Variants in MAST2 observed in about 807,000 individuals in gnomAD.
MAST2 encodes microtubule-associated serine/threonine-protein kinase 2.
A neutral mutation model predicts 147.4 loss-of-function variants in MAST2; 70 were observed. The ratio of observed to expected loss-of-function variants is 0.47; its 90% CI spans 0.39 to 0.58. The LOEUF (loss-of-function observed/expected upper bound fraction) is 0.58. Among genes scored for constraint, MAST2 ranks in the 20% least tolerant of loss-of-function variants. MAST2 has a pLI of 0.00. For synonymous variants in MAST2, 869 were observed against 896.8 expected (o/e 0.97, Z 0.55); for missense variants, 2,080 against 2,302.3 (o/e 0.90, Z 1.98).
At chr1:45,920,389 T>C in intron 4 of MAST2, among the ~76,000 whole-genome samples, 1 of 152,184 alleles carries the variant, frequency 6.6e-6, no homozygotes, top group Non-Finnish European at 1.5e-5. Flanking sequence ...GGACTCTGTT[T>C]GAGTACCCCC....
intron 26 of MAST2, 84 bp from the exon 27 acceptor site, chr1:46,033,718 C>A: frequency 6.5e-7 from 1 of 1,546,834 alleles, no homozygotes; most frequent in South Asian, 1.2e-5. Context: ...TGTGGTATAG[C>A]CATGCCAGAA....
Position 45,858,601 on chromosome 1 carries a change from G to A in MAST2, c.469-23763G>A, listed in dbSNP as rs1237323947. Among the ~76,000 whole-genome samples the A allele has an allele frequency of 6.2e-4, 90 of 145,734 alleles. 2 individuals are homozygous for A. Among genetic ancestry groups the A allele is most frequent in the African/African-American group, 2.1e-3 (83 of 39,302 alleles). On this transcript the variant is annotated intron_variant, in intron 3 of 28. Coordinates refer to ENST00000361297, the MANE Select transcript of MAST2 (RefSeq NM_015112.3). ...TGATGGTAGTTTCTTTTGCTGTGCA[G>A]AAGCTCTTTAGTTTAATAAGATCCC...
intron 4 of MAST2, among the ~76,000 whole-genome samples, chr1:45,928,567 C>CTTTTTTTTT (rs11374683): frequency 9.0e-5 from 13 of 143,698 alleles, no homozygotes; most frequent in South Asian, 2.2e-4. Flanking sequence ...ATCACTCTTT[C>CTTTTTTTTT]TTTTTTTTTT....
At chr1:45,973,386 C>G (rs75640476) in intron 5 of MAST2, among the ~76,000 whole-genome samples, 4,574 of 152,228 alleles carry the variant, frequency 0.03, 230 homozygotes, top group African/African-American at 0.1. Flanking sequence ...CTTTCTATAG[C>G]TTGTGTCATC....
At chr1:45,943,271 A>G (rs1657575482) in intron 4 of MAST2, among the ~76,000 whole-genome samples, 1 of 152,218 alleles carries the variant, frequency 6.6e-6, no homozygotes, top group African/African-American at 2.4e-5. Flanking sequence ...TGTCATGCTC[A>G]TCACTAATTT....
chr1:45,843,809 T>C (rs770230433), intron 3 of MAST2, among the ~76,000 whole-genome samples: 7 of 152,168 alleles, frequency 4.6e-5, no homozygotes, highest in Non-Finnish European at 1.0e-4. Context: ...GAAGGGTATA[T>C]GAGTAATGTT....
At chr1:45,928,567 C>CTTTTTT (rs11374683) in intron 4 of MAST2, among the ~76,000 whole-genome samples, 5 of 143,730 alleles carry the variant, frequency 3.5e-5, no homozygotes, top group Admixed American at 7.0e-5. Context: ...ATCACTCTTT[C>CTTTTTT]TTTTTTTTTT....
intron 4 of MAST2, among the ~76,000 whole-genome samples, chr1:45,935,893 A>G (rs1197555863): frequency 6.6e-6 from 1 of 152,152 alleles, no homozygotes; most frequent in African/African-American, 2.4e-5. Flanking sequence ...TTTTGGTCCC[A>G]TATGATTTTT....
chr1:45,957,399 C>G (rs1162943986), intron 4 of MAST2, among the ~76,000 whole-genome samples: 2 of 152,226 alleles, frequency 1.3e-5, no homozygotes, highest in Non-Finnish European at 2.9e-5. Context: ...GTCTGACAAT[C>G]TCTGCCTTAA....
chr1:45,920,072 G>A (rs992197303), intron 4 of MAST2, among the ~76,000 whole-genome samples: 13 of 152,106 alleles, frequency 8.5e-5, no homozygotes, highest in African/African-American at 2.9e-4. Flanking sequence ...TCTTACTACT[G>A]AGGCAATACT....
chr1:45,905,607 T>C (rs1241859528), intron 4 of MAST2, among the ~76,000 whole-genome samples: 4 of 152,100 alleles, frequency 2.6e-5, no homozygotes, highest in African/African-American at 9.7e-5. Flanking sequence ...AAACCCCGTC[T>C]CTACTAAAAA....
intron 10 of MAST2, among the ~76,000 whole-genome samples, chr1:46,019,171 ACT>A (rs139931038): frequency 0.017 from 2,655 of 151,792 alleles, 26 homozygotes; most frequent in Non-Finnish European, 0.026. Flanking sequence ...TCTTTAGTGT[ACT>A]CTCTACACTG....
intron 12 of MAST2, 66 bp from the exon 13 acceptor site, chr1:46,022,844 T>C (rs1332543076): frequency 8.4e-7 from 1 of 1,188,464 alleles, no homozygotes; most frequent in African/African-American, 1.5e-5. Context: ...TGTTGTGTGA[T>C]CTGAGGATAC....
chr1:45,855,234 A>G (rs1429383127), intron 3 of MAST2, among the ~76,000 whole-genome samples: 1 of 152,128 alleles, frequency 6.6e-6, no homozygotes, highest in East Asian at 1.9e-4. Context: ...ATAAATTCTA[A>G]TGGATTGGGA....
intron 4 of MAST2, among the ~76,000 whole-genome samples, chr1:45,956,816 T>C (rs2148894290): frequency 6.6e-6 from 1 of 152,314 alleles, no homozygotes; most frequent in East Asian, 1.9e-4. Flanking sequence ...TGCCCAAACC[T>C]TGCCACCTAT....
intron 3 of MAST2, among the ~76,000 whole-genome samples, chr1:45,844,439 T>G (rs1645368976): frequency 6.6e-6 from 1 of 152,078 alleles, no homozygotes; most frequent in African/African-American, 2.4e-5. Flanking sequence ...CCTGCCACCA[T>G]GCCCAGCTAA....
At chr1:45,966,433 A>G (rs7520050) in intron 5 of MAST2, among the ~76,000 whole-genome samples, 3 of 151,274 alleles carry the variant, frequency 2.0e-5, no homozygotes, top group Non-Finnish European at 4.4e-5. Flanking sequence ...AAAAAAAAAA[A>G]AAAAAAAAAC....
intron 5 of MAST2, among the ~76,000 whole-genome samples, chr1:45,996,124 A>T (rs371559572): frequency 8.0e-5 from 12 of 149,902 alleles, no homozygotes; most frequent in Middle Eastern, 3.4e-3. Context: ...TTTCTGACAT[A>T]CGTGTGTGTT....
chr1:45,990,349 T>C (rs905837419), intron 5 of MAST2, among the ~76,000 whole-genome samples: 3 of 152,336 alleles, frequency 2.0e-5, no homozygotes, highest in African/African-American at 7.2e-5. Flanking sequence ...TTTGGTGAGG[T>C]GGCTGTTCAG....
Sources: gnomAD v4.1 joint callset for allele counts (sites outside exome capture counted in the v4.1 genomes callset) on GRCh38, gnomAD v4.1.1 for gene constraint, MANE v1.5 for transcripts, NCBI Gene and HGNC (gene_info 2026-07-23, HGNC 2026-07-21) for gene names.